Variants in EPB41L3 observed in about 807,000 individuals in gnomAD.
EPB41L3 encodes band 4.1-like protein 3.
EPB41L3 carries 57 observed loss-of-function variants against 127.1 expected under a neutral mutation model. The ratio of observed to expected loss-of-function variants is 0.45; its 90% CI spans 0.36 to 0.56. The LOEUF (loss-of-function observed/expected upper bound fraction) is 0.56. Ranked by LOEUF, EPB41L3 falls within the 20% of genes least tolerant of loss-of-function variation. EPB41L3 has a pLI of 0.00. For synonymous variants in EPB41L3, 572 were observed against 549.5 expected, an observed-to-expected ratio of 1.04 and a Z score of -0.57; for missense variants, 1,273 against 1,372.2, an observed-to-expected ratio of 0.93 and a Z score of 1.14.
chr18:5,605,582 T>G (rs1369952284), intron 3 of EPB41L3, among the ~76,000 whole-genome samples: 1 of 152,026 alleles, frequency 6.6e-6, no homozygotes, highest in Non-Finnish European at 1.5e-5. Context: ...TTCTCTTTAA[T>G]TTTTAGTATT....
chr18:5,473,081 T>C (rs1257391639), intron 3 of EPB41L3, among the ~76,000 whole-genome samples: 3 of 152,104 alleles, frequency 2.0e-5, no homozygotes, highest in African/African-American at 7.2e-5. Flanking sequence ...CTAAGTAATC[T>C]AGGGGCCAGA....
At chr18:5,551,132 T>G (rs1431055232) in intron 3 of EPB41L3, among the ~76,000 whole-genome samples, 2 of 152,172 alleles carry the variant, frequency 1.3e-5, no homozygotes, top group African/African-American at 4.8e-5. Flanking sequence ...TTAAGTCTAT[T>G]TTGGAATTTT....
intron 1 of EPB41L3, among the ~76,000 whole-genome samples, chr18:5,626,203 C>T (rs2094922088): frequency 6.6e-6 from 1 of 152,186 alleles, no homozygotes; most frequent in Non-Finnish European, 1.5e-5. Context: ...ACCCTTAGCA[C>T]TTCAGAATGC....
intron 1 of EPB41L3, chr18:5,489,510 CTT>C (rs1322148370): frequency 3.4e-6 from 1 of 291,872 alleles, no homozygotes; most frequent in East Asian, 7.5e-5. Flanking sequence ...AATTAAATAT[CTT>C]ACATTCAATT....
intron 3 of EPB41L3, among the ~76,000 whole-genome samples, chr18:5,459,871 C>G (rs2083687719): frequency 6.6e-6 from 1 of 152,176 alleles, no homozygotes; most frequent in African/African-American, 2.4e-5. Flanking sequence ...ACAAAATTAT[C>G]TCTAGAAGAT....
At chr18:5,552,878 C>T (rs1426108006) in intron 3 of EPB41L3, among the ~76,000 whole-genome samples, 1 of 152,170 alleles carries the variant, frequency 6.6e-6, no homozygotes, top group Non-Finnish European at 1.5e-5. Flanking sequence ...AGTCTGACTT[C>T]TGAGCTAGTC....
intron 3 of EPB41L3, among the ~76,000 whole-genome samples, chr18:5,558,867 A>C (rs2094079720): frequency 6.6e-6 from 1 of 152,228 alleles, no homozygotes; most frequent in Admixed American, 6.5e-5. Context: ...ATAACAGGAC[A>C]AACATTCATA....
chr18:5,492,859 C>G (rs924263585), intron 1 of EPB41L3, among the ~76,000 whole-genome samples: 2 of 151,894 alleles, frequency 1.3e-5, no homozygotes, highest in Non-Finnish European at 1.5e-5. Context: ...TTTAAAGAAA[C>G]GTAAATCATA....
At chr18:5,485,084 C>T (rs2089498561) in intron 2 of EPB41L3, among the ~76,000 whole-genome samples, 1 of 151,980 alleles carries the variant, frequency 6.6e-6, no homozygotes, top group South Asian at 2.1e-4. Context: ...TGCAAAAATC[C>T]TCAGTGAAAT....
At chr18:5,607,997 T>C (rs1321332089) in intron 3 of EPB41L3, among the ~76,000 whole-genome samples, 1 of 152,164 alleles carries the variant, frequency 6.6e-6, no homozygotes, top group Non-Finnish European at 1.5e-5. Context: ...GACTCCTGGA[T>C]GAAAAACAGA....
intron 3 of EPB41L3, among the ~76,000 whole-genome samples, chr18:5,453,409 A>T (rs1035917234): frequency 1.3e-5 from 2 of 152,222 alleles, no homozygotes; most frequent in Non-Finnish European, 2.9e-5. Context: ...GGGTTCCTGC[A>T]TCAGAAGGTG....
At chr18:5,540,750 G>A (rs1300949226) in intron 1 of EPB41L3, among the ~76,000 whole-genome samples, 1 of 152,174 alleles carries the variant, frequency 6.6e-6, no homozygotes, top group African/African-American at 2.4e-5. Context: ...GTACTTAGGG[G>A]AGACTATGGG....
intron 1 of EPB41L3, among the ~76,000 whole-genome samples, chr18:5,615,302 T>C (rs1451808868): frequency 6.6e-6 from 1 of 152,210 alleles, no homozygotes; most frequent in African/African-American, 2.4e-5. Flanking sequence ...AGGTAGTCTG[T>C]CTTTTATGAA....
At chr18:5,588,559 C>A (rs1272654112) in intron 3 of EPB41L3, among the ~76,000 whole-genome samples, 1 of 150,636 alleles carries the variant, frequency 6.6e-6, no homozygotes, top group African/African-American at 2.4e-5. Context: ...ACACATAAAT[C>A]TTGAGAGGAA....
intron 1 of EPB41L3, among the ~76,000 whole-genome samples, chr18:5,490,830 G>A (rs980731796): frequency 6.6e-6 from 1 of 152,136 alleles, no homozygotes; most frequent in Admixed American, 6.5e-5. Context: ...TCCATCTTTT[G>A]GAAGGGAAAG....
At chr18:5,432,909 A>C (rs2079191425) in intron 8 of EPB41L3, among the ~76,000 whole-genome samples, 1 of 152,238 alleles carries the variant, frequency 6.6e-6, no homozygotes, top group African/African-American at 2.4e-5. Context: ...AGACTTCTTA[A>C]ATTCAATATG....
chr18:5,430,576 T>G (rs2078864867), intron 8 of EPB41L3, among the ~76,000 whole-genome samples: 2 of 151,854 alleles, frequency 1.3e-5, no homozygotes, highest in South Asian at 2.1e-4. Flanking sequence ...TTTCTTTTTT[T>G]TTTTGAGGCA....
At chr18:5,448,036 T>C (rs1240623494) in intron 3 of EPB41L3, among the ~76,000 whole-genome samples, 1 of 152,210 alleles carries the variant, frequency 6.6e-6, no homozygotes, top group African/African-American at 2.4e-5. Flanking sequence ...AATATCAGCA[T>C]GGCCACCAGC....
intron 11 of EPB41L3, among the ~76,000 whole-genome samples, chr18:5,420,432 G>C (rs2077336118): frequency 6.6e-6 from 1 of 152,110 alleles, no homozygotes; most frequent in Non-Finnish European, 1.5e-5. Flanking sequence ...CAGTATAAAA[G>C]CTCCATGGGT....
Sources: gnomAD v4.1 joint callset for allele counts (sites outside exome capture counted in the v4.1 genomes callset) on GRCh38, gnomAD v4.1.1 for gene constraint, MANE v1.5 for transcripts, NCBI Gene and HGNC (gene_info 2026-07-23, HGNC 2026-07-21) for gene names.